The following CPT1A variants were observed in gnomAD, a reference collection of about 807,000 sequenced individuals.
CPT1A encodes carnitine O-palmitoyltransferase 1, liver isoform.
In CPT1A, 64 loss-of-function variants were observed where a neutral mutation model predicts 100.8. The observed-to-expected ratio is 0.63, with a 90% confidence interval of 0.52 to 0.78. The LOEUF (loss-of-function observed/expected upper bound fraction) is 0.78, where lower values mean the gene tolerates loss of function less well. Ranked by LOEUF, CPT1A falls within the 30% of genes least tolerant of loss-of-function variation. The pLI is 0.00. For missense variants in CPT1A, 802 were observed against 1,034.1 expected (o/e 0.78, Z 3.08); for synonymous variants, 363 against 396.0 (o/e 0.92, Z 0.99).
intron 14 of CPT1A, among the ~76,000 whole-genome samples, chr11:68,764,545 C>A (rs1055880064): frequency 1.3e-5 from 2 of 152,052 alleles, no homozygotes; most frequent in Non-Finnish European, 2.9e-5. Context: ...CCGGACAGAG[C>A]ACAGGACCCA....
intron 9 of CPT1A, chr11:68,785,683 T>C (rs4930610): frequency 0.79 from 186,150 of 235,000 alleles, 74,953 homozygotes; most frequent in East Asian, 0.88. Context: ...ATGTTCCCCA[T>C]ATGCACTGTG....
chr11:68,771,216 G>T (rs1176806439), intron 14 of CPT1A, among the ~76,000 whole-genome samples: 5 of 152,200 alleles, frequency 3.3e-5, no homozygotes, highest in African/African-American at 1.2e-4. Context: ...TCTACCTTGA[G>T]TCAACGTCAC....
intron 1 of CPT1A, among the ~76,000 whole-genome samples, chr11:68,839,915 G>A (rs1368733989): frequency 6.6e-6 from 1 of 152,162 alleles, no homozygotes; most frequent in Non-Finnish European, 1.5e-5. Context: ...CTTGTTTTTA[G>A]TACCAACTCG....
upstream of CPT1A, chr11:68,844,242 C>T (rs978502068): frequency 4.6e-5 from 7 of 152,264 alleles, no homozygotes; most frequent in African/African-American, 1.7e-4. Flanking sequence ...TCCCGCCGAC[C>T]ACGCTGCAGC....
At chr11:68,823,112 C>T (rs910866546) in intron 1 of CPT1A, among the ~76,000 whole-genome samples, 1 of 151,932 alleles carries the variant, frequency 6.6e-6, no homozygotes, top group African/African-American at 2.4e-5. Flanking sequence ...TAGATGGGTG[C>T]GGTGATGTGT....
chr11:68,816,654 C>T (rs897805876), intron 1 of CPT1A, among the ~76,000 whole-genome samples: 1 of 152,174 alleles, frequency 6.6e-6, no homozygotes, highest in Non-Finnish European at 1.5e-5. Flanking sequence ...CACGGTGCCT[C>T]CTCCACCTCC....
intron 6 of CPT1A, among the ~76,000 whole-genome samples, chr11:68,798,013 C>A (rs1468118032): frequency 6.6e-6 from 1 of 152,114 alleles, no homozygotes; most frequent in Non-Finnish European, 1.5e-5. Flanking sequence ...AAAGAAAAAA[C>A]CAATGTTATG....
At chr11:68,812,303 G>C in intron 3 of CPT1A, 134 bp downstream of exon 3, 1 of 1,284,844 alleles carries the variant, frequency 7.8e-7, no homozygotes, top group Non-Finnish European at 1.1e-6. Context: ...CAGGAAGAAA[G>C]CTGACGTGAG....
chr11:68,773,088 C>G (rs910862378), intron 14 of CPT1A, among the ~76,000 whole-genome samples, 177 bp downstream of exon 14: 4 of 152,164 alleles, frequency 2.6e-5, no homozygotes, highest in Non-Finnish European at 4.4e-5. Context: ...GCGAACTTTG[C>G]CCGCGTGCGT....
At position 68,773,683 on chromosome 11, in the gene CPT1A, C is replaced by G. The variant is rs1357680561; in HGVS notation, c.1576-254G>C. 2.1e-5 allele frequency: 10 copies of G among 484,762 alleles called. No individual in the cohort carries two copies. The East Asian group carries it at 3.3e-4, about 16-fold the overall frequency. The allele number at this position is 484,762 out of a possible 1,614,324, so 30.0% of individuals were successfully genotyped here. On this transcript the variant is annotated intron_variant, in intron 13 of 18. Coordinates refer to ENST00000265641, the MANE Select transcript of CPT1A (RefSeq NM_001876.4). Reference sequence around the variant, plus strand: ...AGGAGAGGGCTTCCTCCGACACACACTGGGAATATCACGCGACCATCAGTG... The same window carrying G: ...AGGAGAGGGCTTCCTCCGACACACAGTGGGAATATCACGCGACCATCAGTG...
At chr11:68,764,873 C>G (rs1188568448) in intron 14 of CPT1A, among the ~76,000 whole-genome samples, 1 of 152,262 alleles carries the variant, frequency 6.6e-6, no homozygotes, top group African/African-American at 2.4e-5. Context: ...CAGCGCTAAG[C>G]AGCACTTGCA....
intron 4 of CPT1A, 60 bp from the exon 5 acceptor site, chr11:68,804,161 T>G: frequency 2.3e-6 from 3 of 1,279,148 alleles, no homozygotes; most frequent in Non-Finnish European, 3.4e-6. Flanking sequence ...GCACCTGTTC[T>G]CGTCTGATCT....
chr11:68,829,059 A>G (rs773309945), intron 1 of CPT1A, among the ~76,000 whole-genome samples: 81 of 151,592 alleles, frequency 5.3e-4, no homozygotes, highest in Non-Finnish European at 9.4e-4. Flanking sequence ...AATGAATCTC[A>G]CCACCTGTCC....
At chr11:68,826,784 ATACTT>A (rs1476448931) in intron 1 of CPT1A, among the ~76,000 whole-genome samples, 16 of 152,042 alleles carry the variant, frequency 1.1e-4, no homozygotes, top group Middle Eastern at 3.4e-3. Context: ...TTTCTGTAAC[ATACTT>A]TACTTAGCAC....
intron 10 of CPT1A, among the ~76,000 whole-genome samples, chr11:68,782,997 G>A (rs3019575): frequency 4.7e-4 from 72 of 152,284 alleles, no homozygotes; most frequent in Middle Eastern, 3.4e-3. Context: ...CGTCTCCTCC[G>A]CTGGGGATTC....
At chr11:68,798,849 T>C (rs1855825434) in intron 6 of CPT1A, among the ~76,000 whole-genome samples, 1 of 152,190 alleles carries the variant, frequency 6.6e-6, no homozygotes, top group African/African-American at 2.4e-5. Flanking sequence ...CGTGCTGGTG[T>C]ACCTGCACTC....
Position 68,755,372 on chromosome 11 carries a change from C to G in CPT1A, c.*2272G>C, listed in dbSNP as rs563431338. Reference sequence around the variant, plus strand: ...GGCAGAGAGAGCTACATCCCCGCTGCCTGCTTGACGGACAGTCAGGGGCTT... The same window carrying G: ...GGCAGAGAGAGCTACATCCCCGCTGGCTGCTTGACGGACAGTCAGGGGCTT... On this transcript the variant is annotated 3_prime_UTR_variant, in exon 19 of 19. Coordinates refer to ENST00000265641, the MANE Select transcript of CPT1A (RefSeq NM_001876.4). The G allele has an allele frequency of 6.4e-6, 1 of 155,576 alleles. No individual in the cohort carries two copies. The highest frequency in any genetic ancestry group is 6.5e-5 in the Admixed American group (1 of 15,384). 9.6% of individuals were successfully genotyped at this position (155,576 alleles called of 1,614,324 possible). A position where few individuals can be genotyped will look rare whatever the true frequency, so the allele number is the denominator to read the frequency against.
intron 1 of CPT1A, among the ~76,000 whole-genome samples, chr11:68,839,206 C>A (rs553914962): frequency 6.6e-6 from 1 of 152,358 alleles, no homozygotes; most frequent in African/African-American, 2.4e-5. Context: ...GCAGAAGCAG[C>A]CCTTGGCCCG....
intron 15 of CPT1A, 128 bp downstream of exon 15, chr11:68,762,499 T>C (rs1203743453): frequency 4.2e-6 from 5 of 1,202,814 alleles, no homozygotes; most frequent in East Asian, 4.8e-5. Context: ...GGAAAGAAGC[T>C]GAATTGAGCA....
Sources: gnomAD v4.1 joint callset for allele counts (sites outside exome capture counted in the v4.1 genomes callset) on GRCh38, gnomAD v4.1.1 for gene constraint, MANE v1.5 for transcripts, NCBI Gene and HGNC (gene_info 2026-07-23, HGNC 2026-07-21) for gene names.